DOCK3: variants seen among roughly 807,000 people sequenced by gnomAD.
DOCK3 encodes dedicator of cytokinesis protein 3.
Under a neutral mutation model 265.6 loss-of-function variants are expected in DOCK3, and 60 were observed. The ratio of observed to expected loss-of-function variants is 0.23; its 90% CI spans 0.18 to 0.28. The LOEUF is 0.28. DOCK3 is among the 10% of genes least tolerant of loss of function. DOCK3 has a pLI of 1.00. For synonymous variants in DOCK3, 881 were observed against 938.0 expected (o/e 0.94, Z 1.11); for missense variants, 1,981 against 2,594.3 (o/e 0.76, Z 5.14).
chr3:50,878,686 C>A (rs1172903677), intron 3 of DOCK3, among the ~76,000 whole-genome samples: 1 of 152,088 alleles, frequency 6.6e-6, no homozygotes, highest in Non-Finnish European at 1.5e-5. Context: ...AGAATGAAAC[C>A]AAGTTGGAAA....
chr3:51,212,431 G>GTTTTTTTT (rs1198836971), intron 13 of DOCK3, among the ~76,000 whole-genome samples: 1 of 112,276 alleles, frequency 8.9e-6, no homozygotes, highest in African/African-American at 3.2e-5. Flanking sequence ...TACACCCACT[G>GTTTTTTTT]TTTTTTTTTT....
chr3:51,007,073 A>G (rs903758197), intron 5 of DOCK3, among the ~76,000 whole-genome samples: 4 of 152,178 alleles, frequency 2.6e-5, no homozygotes, highest in Non-Finnish European at 5.9e-5. Flanking sequence ...GAATAGTGCC[A>G]CAATAAACAT....
Position 51,259,224 on chromosome 3 carries a change from AATATT to A in DOCK3, c.2185-930_2185-926del, listed in dbSNP as rs2079720587. Among the ~76,000 whole-genome samples the A allele has an allele frequency of 2.0e-5, 3 of 152,188 alleles. No individual in the cohort carries two copies. In the South Asian group the frequency reaches 6.2e-4, roughly 32 times the overall value. ...CAACTGAATTTTGTATGGGCCACAA[AATATT>A]AAGTTCTGCTTTTCCAAACCATCTA... On this transcript the variant is annotated intron_variant, in intron 22 of 52. Transcript: ENST00000266037.
intron 1 of DOCK3, among the ~76,000 whole-genome samples, chr3:50,690,893 G>A (rs907136534): frequency 9.2e-5 from 14 of 151,630 alleles, no homozygotes; most frequent in Non-Finnish European, 1.3e-4. Flanking sequence ...CACCCACCTC[G>A]GCTTCCCAAA....
intron 27 of DOCK3, among the ~76,000 whole-genome samples, chr3:51,300,290 A>C (rs1264414624): frequency 6.6e-6 from 1 of 152,208 alleles, no homozygotes; most frequent in African/African-American, 2.4e-5. Flanking sequence ...TTATCAGCTT[A>C]ATGAGCTTTT....
At chr3:50,694,776 C>G (rs2035499617) in intron 1 of DOCK3, among the ~76,000 whole-genome samples, 1 of 152,198 alleles carries the variant, frequency 6.6e-6, no homozygotes, top group Admixed American at 6.5e-5. Context: ...CACTCCACTG[C>G]ACTCCAGCCT....
intron 2 of DOCK3, among the ~76,000 whole-genome samples, chr3:50,810,104 T>C (rs972936450): frequency 2.0e-5 from 3 of 152,130 alleles, no homozygotes; most frequent in South Asian, 4.1e-4. Context: ...CACTACACTT[T>C]AGCGTGGGCG....
chr3:51,271,838 G>A (rs900403298), intron 24 of DOCK3, among the ~76,000 whole-genome samples: 3 of 142,414 alleles, frequency 2.1e-5, no homozygotes, highest in Admixed American at 1.4e-4. Context: ...GCAACAGAGC[G>A]AGACTGTCTC....
chr3:51,128,702 A>C (rs1354705767), intron 9 of DOCK3, among the ~76,000 whole-genome samples: 1 of 152,156 alleles, frequency 6.6e-6, no homozygotes, highest in African/African-American at 2.4e-5. Context: ...CTGGCTGATC[A>C]CCTTGAGGAA....
Position 51,228,096 on chromosome 3 carries a change from G to A in DOCK3, c.1647+8G>A. The A allele has an allele frequency of 2.5e-6, 4 of 1,613,582 alleles. No homozygotes were observed. The highest frequency in any genetic ancestry group is 3.4e-6 in the Non-Finnish European group (4 of 1,179,568). On this transcript the variant is annotated splice_region_variant and intron_variant, in intron 17 of 52. Coordinates refer to ENST00000266037, the MANE Select transcript of DOCK3 (RefSeq NM_004947.5). ...GAGCTTTATGTGTACAAGGTATGAAGCCTAGCTGCCTTTCATCCCCACCCC... is the reference window on the plus strand; with the variant it reads ...GAGCTTTATGTGTACAAGGTATGAAACCTAGCTGCCTTTCATCCCCACCCC...
chr3:51,109,842 A>T (rs2083438554), intron 9 of DOCK3, among the ~76,000 whole-genome samples: 2 of 152,076 alleles, frequency 1.3e-5, no homozygotes, highest in Non-Finnish European at 2.9e-5. Context: ...CCAAAGTGGA[A>T]GGATTGCTTG....
chr3:50,807,231 A>G (rs2043475884), intron 2 of DOCK3, among the ~76,000 whole-genome samples: 1 of 147,588 alleles, frequency 6.8e-6, no homozygotes, highest in Admixed American at 6.8e-5. Flanking sequence ...CTAGTCAGCC[A>G]TCTTGCTCTG....
chr3:51,199,859 C>T (rs1187993028), intron 12 of DOCK3, among the ~76,000 whole-genome samples: 1 of 152,212 alleles, frequency 6.6e-6, no homozygotes, highest in South Asian at 2.1e-4. Context: ...GATCAGACAG[C>T]AGCATTCGCG....
chr3:51,043,735 G>GA (rs922008656), intron 5 of DOCK3, among the ~76,000 whole-genome samples: 20 of 147,730 alleles, frequency 1.4e-4, no homozygotes, highest in East Asian at 5.9e-4. Flanking sequence ...AAATTTACAA[G>GA]AAAAAAAAAC....
rs552751187 is a variant in DOCK3, at chr3:50,691,010, C to T, written c.37+15710C>T. On this transcript the variant is annotated intron_variant, in intron 1 of 52. Transcript: ENST00000266037. ...ATAAATGTAATCATATGGCCGGGCGCGGTGGCTCATGCCTGTAATCCCAGC... is the reference window on the plus strand; with the variant it reads ...ATAAATGTAATCATATGGCCGGGCGTGGTGGCTCATGCCTGTAATCCCAGC... 1.3e-4 allele frequency among the ~76,000 whole-genome samples: 19 copies of T among 151,676 alleles called. 1 individual carries two copies. The highest frequency in any genetic ancestry group is 6.8e-3 in the Middle Eastern group (2 of 292).
rs140232188 is a variant in DOCK3, at chr3:50,747,681, T to C, written c.38-30994T>C. 6.9e-3 allele frequency among the ~76,000 whole-genome samples: 1,054 copies of C among 152,210 alleles called. 12 individuals carry two copies. The highest frequency in any genetic ancestry group is 0.024 in the African/African-American group (1,012 of 41,526). On this transcript the variant is annotated intron_variant, in intron 1 of 52. Transcript: ENST00000266037. ...GAATTCGAGACCAGCCTGGCCAGCA[T>C]GGTGAAACCCCATCTCTACTAAAAA...
chr3:51,142,036 C>T (rs1332497168), intron 9 of DOCK3, among the ~76,000 whole-genome samples: 2 of 150,472 alleles, frequency 1.3e-5, no homozygotes, highest in Admixed American at 1.3e-4. Flanking sequence ...TTTGTATCTA[C>T]ACTGTTACTA....
At chr3:50,752,335 C>T (rs963526789) in intron 1 of DOCK3, among the ~76,000 whole-genome samples, 5 of 151,942 alleles carry the variant, frequency 3.3e-5, no homozygotes, top group Admixed American at 2.6e-4. Flanking sequence ...ATGGTGAAAC[C>T]CCATCTCTAC....
chr3:51,260,107 C>T, intron 22 of DOCK3, 49 bp from the exon 23 acceptor site: 1 of 1,571,560 alleles, frequency 6.4e-7, no homozygotes, highest in Non-Finnish European at 8.7e-7. Context: ...ATGTGAGTTC[C>T]TGAGCATCTT....
Sources: gnomAD v4.1 joint callset for allele counts (sites outside exome capture counted in the v4.1 genomes callset) on GRCh38, gnomAD v4.1.1 for gene constraint, MANE v1.5 for transcripts, NCBI Gene and HGNC (gene_info 2026-07-23, HGNC 2026-07-21) for gene names.